CD58: variants seen among roughly 807,000 people sequenced by gnomAD.
The protein encoded by CD58 is CD58 molecule.
CD58 carries 14 observed loss-of-function variants against 27.6 expected under a neutral mutation model. The ratio of observed to expected loss-of-function variants is 0.51; its 90% confidence interval spans 0.34 to 0.79. The LOEUF (loss-of-function observed/expected upper bound fraction) is 0.79, where lower values mean the gene tolerates loss of function less well. Ranked by LOEUF, CD58 falls within the 30% of genes least tolerant of loss-of-function variation. The probability of loss-of-function intolerance (pLI) is 0.02; values close to 1 mark genes in which losing one functional copy is unlikely to be tolerated. For missense variants in CD58, 268 were observed against 301.7 expected, an observed-to-expected ratio of 0.89 and a Z score of 0.83; for synonymous variants, 117 against 103.8, an observed-to-expected ratio of 1.13 and a Z score of -0.77.
At position 116,515,102 on chromosome 1, in the gene CD58, C is replaced by A. The variant is rs1657033550; in HGVS notation, c.744-280G>T. Reference sequence around the variant, plus strand: ...CTCTGAGTATAACTGAAAGATTGAACAACAGAGCTGAGACTGTTAGACCCA... The same window carrying A: ...CTCTGAGTATAACTGAAAGATTGAAAAACAGAGCTGAGACTGTTAGACCCA... On this transcript the variant is annotated intron_variant, in intron 5 of 5. Coordinates refer to ENST00000369489, the MANE Select transcript of CD58 (RefSeq NM_001779.3). This position sits in a 1 kb window ranked among gnomAD's most constrained non-coding sequence, Gnocchi z 4.6. 6.6e-6 allele frequency among the ~76,000 whole-genome samples: 1 copy of A among 152,176 alleles called. No individual in the cohort carries two copies. The highest frequency in any genetic ancestry group is 2.1e-4 in the South Asian group (1 of 4,832).
At position 116,517,784 on chromosome 1, in the gene CD58, G is replaced by A. The variant is rs918663058; in HGVS notation, c.743+1447C>T. Among the ~76,000 whole-genome samples the A allele has an allele frequency of 2.0e-5, 3 of 152,162 alleles. No individual in the cohort carries two copies. Among genetic ancestry groups the A allele is most frequent in the Admixed American group, 6.5e-5 (1 of 15,290 alleles). On this transcript the variant is annotated intron_variant, in intron 5 of 5. Coordinates refer to ENST00000369489, the MANE Select transcript of CD58 (RefSeq NM_001779.3). This position sits in a 1 kb window ranked among gnomAD's most constrained non-coding sequence, Gnocchi z 6.5. Reference sequence around the variant, plus strand: ...TCCAGATGAAGAGGCGCCCCAATCCGTAACTCTAGCGTGAAGCCCACGCTC... The same window carrying A: ...TCCAGATGAAGAGGCGCCCCAATCCATAACTCTAGCGTGAAGCCCACGCTC...
rs2101244458 is a variant in CD58, at chr1:116,570,301, GA to G, written c.70+601del. On this transcript the variant is annotated intron_variant, in intron 1 of 5. Transcript: ENST00000369489. The surrounding 1 kb of genome is among the most constrained non-coding windows in gnomAD (Gnocchi z 6.4). ...ACTAGTTTTTAGGATTTGAGGGGAG[GA>G]AAAAGGAGCAGGAGTCGCACCACTT... Among the ~76,000 whole-genome samples, 1 of 152,306 alleles carries G rather than the reference GA, an allele frequency of 6.6e-6. No individual in the cohort carries two copies. The highest frequency in any genetic ancestry group is 6.5e-5 in the Admixed American group (1 of 15,304).
rs963323220 is a variant in CD58 at position 116,546,984 on chromosome 1, CT to C, written c.71-2381del. Among the ~76,000 whole-genome samples the C allele has an allele frequency of 3.3e-5, 5 of 150,722 alleles. No individual in the cohort carries two copies. The highest frequency in any genetic ancestry group is 1.3e-4 in the Admixed American group (2 of 15,144). ...TAGTAAGTATATTTTCTTCCTTATG[CT>C]TTTTTTTCTTTTTTAAATTTTTTTA... On this transcript the variant is annotated intron_variant, in intron 1 of 5. Transcript: ENST00000369489. The surrounding 1 kb of genome is among the most constrained non-coding windows in gnomAD (Gnocchi z 4.1).
intron 3 of CD58, among the ~76,000 whole-genome samples, chr1:116,529,119 C>T (rs1303854491): frequency 6.6e-6 from 1 of 152,240 alleles, no homozygotes; most frequent in Non-Finnish European, 1.5e-5. Context: ...GCAATGAAAT[C>T]AGGTCTAGGA....
In CD58 at chr1:116,516,844, C is replaced by G. The variant is rs1348643393; in HGVS notation, c.744-2022G>C. ...TTTCGTATGCTCATGTGCATCCATT[C>G]TCTCTCCCTGGTGTGGCCACAAGCT... On this transcript the variant is annotated intron_variant, in intron 5 of 5. Transcript: ENST00000369489. The surrounding 1 kb of genome is among the most constrained non-coding windows in gnomAD (Gnocchi z 6.1). Among the ~76,000 whole-genome samples, 1 of 152,180 alleles carries G rather than the reference C, an allele frequency of 6.6e-6. No homozygotes were observed. The highest frequency in any genetic ancestry group is 1.5e-5 in the Non-Finnish European group (1 of 68,030).
chr1:116,567,399 G>C (rs1222907606), intron 1 of CD58, among the ~76,000 whole-genome samples: 1 of 151,320 alleles, frequency 6.6e-6, no homozygotes, highest in East Asian at 2.0e-4. Flanking sequence ...ACTTCGGTAG[G>C]CCAAGGAGGG....
At position 116,570,796 on chromosome 1, in the gene CD58, A is replaced by C. The variant is rs1349131717; in HGVS notation, c.70+107T>G. The C allele has an allele frequency of 1.2e-6, 1 of 802,146 alleles. No individual in the cohort carries two copies. The highest frequency in any genetic ancestry group is 1.8e-5 in the African/African-American group (1 of 55,246). The allele number at this position is 802,146 out of a possible 1,614,324, so 49.7% of individuals were successfully genotyped here. A position where few individuals can be genotyped will look rare whatever the true frequency, so the allele number is the denominator to read the frequency against. Reference sequence around the variant, plus strand: ...TCCCGGCCCACAGCGACCCGTCCCCACCCGTCTCTGATCGGCAACCGCCTC... The same window carrying C: ...TCCCGGCCCACAGCGACCCGTCCCCCCCCGTCTCTGATCGGCAACCGCCTC... On this transcript the variant is annotated intron_variant, in intron 1 of 5. Transcript: ENST00000369489. The surrounding 1 kb of genome is among the most constrained non-coding windows in gnomAD (Gnocchi z 6.4).
At position 116,570,436 on chromosome 1, in the gene CD58, G is replaced by A. The variant is rs1382788019; in HGVS notation, c.70+467C>T. On this transcript the variant is annotated intron_variant, in intron 1 of 5. Coordinates refer to ENST00000369489, the MANE Select transcript of CD58 (RefSeq NM_001779.3). This position sits in a 1 kb window ranked among gnomAD's most constrained non-coding sequence, Gnocchi z 6.4. ...TCTCTGCTGATACGGCGGACGCCGC[G>A]CGGGCGGGGACGGCACCGCGCGGGG... Among the ~76,000 whole-genome samples the A allele has an allele frequency of 1.3e-5, 2 of 152,186 alleles. No individual in the cohort carries two copies. Among genetic ancestry groups the A allele is most frequent in the East Asian group, 3.9e-4 (2 of 5,126 alleles).
At chr1:116,549,558 G>A (rs1245320192) in intron 1 of CD58, among the ~76,000 whole-genome samples, 1 of 152,098 alleles carries the variant, frequency 6.6e-6, no homozygotes, top group East Asian at 1.9e-4. Flanking sequence ...ACAGGATGGG[G>A]ACAAAATAAG....
chr1:116,563,936 A>C lies in CD58; in HGVS notation c.70+6967T>G, dbSNP rs1168354580. On this transcript the variant is annotated intron_variant, in intron 1 of 5. Transcript: ENST00000369489. The surrounding 1 kb of genome is among the most constrained non-coding windows in gnomAD (Gnocchi z 4.1). ...GCAGCTGGCTTGAATTTTTCCTCAG[A>C]AAAGGGGTTTTTCTTTTCTATTGCA... Among the ~76,000 whole-genome samples the C allele has an allele frequency of 1.3e-5, 2 of 152,210 alleles. No individual in the cohort carries two copies. The highest frequency in any genetic ancestry group is 2.9e-5 in the Non-Finnish European group (2 of 68,024).
In CD58 at chr1:116,519,160, C is replaced by T. The variant is rs1657186453; in HGVS notation, c.743+71G>A. On this transcript the variant is annotated intron_variant, in intron 5 of 5. Coordinates refer to ENST00000369489, the MANE Select transcript of CD58 (RefSeq NM_001779.3). This position sits in a 1 kb window ranked among gnomAD's most constrained non-coding sequence, Gnocchi z 4.7. ...CAACAGATGAGTACAATCTGGCTTC[C>T]CAAGTAATGGGCATCTACAGCAGGG... The T allele has an allele frequency of 4.4e-6, 7 of 1,599,764 alleles. No individual in the cohort carries two copies. The highest frequency in any genetic ancestry group is 6.0e-6 in the Non-Finnish European group (7 of 1,171,486).
rs1007027804 is a variant in CD58, at chr1:116,559,623, G to A, written c.70+11280C>T. ...CTTCATACTGAAACTGCAGCCACCTGTCTCCCAACGGTTACAAACCCTCGG... is the reference window on the plus strand; with the variant it reads ...CTTCATACTGAAACTGCAGCCACCTATCTCCCAACGGTTACAAACCCTCGG... On this transcript the variant is annotated intron_variant, in intron 1 of 5. Transcript: ENST00000369489. This position sits in a 1 kb window ranked among gnomAD's most constrained non-coding sequence, Gnocchi z 4.4. Among the ~76,000 whole-genome samples, 9 of 152,076 alleles carry A rather than the reference G, an allele frequency of 5.9e-5. No individual in the cohort carries two copies. Among genetic ancestry groups the A allele is most frequent in the African/African-American group, 2.2e-4 (9 of 41,394 alleles).
In CD58 at chr1:116,536,408, A is replaced by C. The variant is rs1308098105; in HGVS notation, c.365-180T>G. ...AGGTCAGATCTACCTGTTCAAATTTAACAGAATAAATTCAGACCCTGATAT... is the reference window on the plus strand; with the variant it reads ...AGGTCAGATCTACCTGTTCAAATTTCACAGAATAAATTCAGACCCTGATAT... On this transcript the variant is annotated intron_variant, in intron 2 of 5. Transcript: ENST00000369489. This position sits in a 1 kb window ranked among gnomAD's most constrained non-coding sequence, Gnocchi z 5.4. 1.3e-5 allele frequency among the ~76,000 whole-genome samples: 2 copies of C among 152,182 alleles called. No homozygotes were observed. Among genetic ancestry groups the C allele is most frequent in the African/African-American group, 2.4e-5 (1 of 41,450 alleles).
chr1:116,548,573 G>T (rs1408667580), intron 1 of CD58, among the ~76,000 whole-genome samples: 1 of 152,182 alleles, frequency 6.6e-6, no homozygotes, highest in Non-Finnish European at 1.5e-5. Context: ...AATACAACAT[G>T]CAATGCATAT....
At chr1:116,548,505 C>G (rs1223558082) in intron 1 of CD58, among the ~76,000 whole-genome samples, 2 of 152,178 alleles carry the variant, frequency 1.3e-5, no homozygotes, top group East Asian at 3.8e-4. Flanking sequence ...CAGTTTCATT[C>G]TTCTACACCT....
rs891234020 is a variant in CD58 at position 116,534,635 on chromosome 1, C to A, written c.628+1330G>T. Among the ~76,000 whole-genome samples the A allele has an allele frequency of 7.9e-5, 12 of 152,196 alleles. No homozygotes were observed. Among genetic ancestry groups the A allele is most frequent in the African/African-American group, 1.2e-4 (5 of 41,456 alleles). ...GGGAGGGGCCGCTCCAGGCCCCAAG[C>A]CCCAGGCCCGCCGCGGCGGCGCTGC... On this transcript the variant is annotated intron_variant, in intron 3 of 5. Transcript: ENST00000369489. The surrounding 1 kb of genome is among the most constrained non-coding windows in gnomAD (Gnocchi z 5.3).
intron 2 of CD58, among the ~76,000 whole-genome samples, chr1:116,540,232 C>G (rs1657948074): frequency 6.6e-6 from 1 of 151,994 alleles, no homozygotes; most frequent in African/African-American, 2.4e-5. Flanking sequence ...CAGGAAATCC[C>G]CCTGTCCAAA....
chr1:116,546,363 C>G lies in CD58; in HGVS notation c.71-1759G>C, dbSNP rs144250220. Among the ~76,000 whole-genome samples the G allele has an allele frequency of 3.3e-3, 510 of 152,276 alleles. 2 individuals carry two copies. Among genetic ancestry groups the G allele is most frequent in the African/African-American group, 9.4e-3 (392 of 41,556 alleles). ...AAGCAAATATCACCCATTTGTTTAT[C>G]TACAAGGACTTTTTAGAACCCATCT... On this transcript the variant is annotated intron_variant, in intron 1 of 5. Transcript: ENST00000369489. The surrounding 1 kb of genome is among the most constrained non-coding windows in gnomAD (Gnocchi z 4.1).
rs190977099 is a variant in CD58, at chr1:116,532,404, C to T, written c.628+3561G>A. Among the ~76,000 whole-genome samples the T allele has an allele frequency of 1.7e-3, 266 of 152,344 alleles. 3 individuals carry two copies. The highest frequency in any genetic ancestry group is 5.9e-3 in the African/African-American group (247 of 41,580). On this transcript the variant is annotated intron_variant, in intron 3 of 5. Transcript: ENST00000369489. The surrounding 1 kb of genome is among the most constrained non-coding windows in gnomAD (Gnocchi z 5.1). ...AAAAAGCAACATCCTAAGGAGAATA[C>T]GGCCCTACTCTACACGGCCCTTCTG... is the stretch of plus-strand genomic sequence containing the variant.
Sources: gnomAD v4.1 joint callset for allele counts (sites outside exome capture counted in the v4.1 genomes callset) on GRCh38, gnomAD v4.1.1 for gene constraint, Gnocchi (gnomAD v3.1) non-coding constraint, MANE v1.5 for transcripts, NCBI Gene and HGNC (gene_info 2026-07-23, HGNC 2026-07-21) for gene names.